RAB22A: variants seen among roughly 807,000 people sequenced by gnomAD.
The protein encoded by RAB22A is ras-related protein Rab-22A.
In RAB22A, 13 loss-of-function variants were observed where a neutral mutation model predicts 30.2. The ratio of observed to expected loss-of-function variants is 0.43; its 90% CI spans 0.28 to 0.68. RAB22A has a LOEUF of 0.68. Ranked by LOEUF, RAB22A falls within the 30% of genes least tolerant of loss-of-function variation. RAB22A has a pLI of 0.18. For missense variants in RAB22A, 177 were observed against 246.8 expected, an observed-to-expected ratio of 0.72 and a Z score of 1.89; for synonymous variants, 89 against 87.2, an observed-to-expected ratio of 1.02 and a Z score of -0.11.
intron 2 of RAB22A, 51 bp downstream of exon 2, chr20:58,311,173 C>A: frequency 6.8e-7 from 1 of 1,470,862 alleles, no homozygotes. Context: ...AAAATCCTTC[C>A]AAATACATAG....
intron 2 of RAB22A, among the ~76,000 whole-genome samples, chr20:58,316,543 G>A (rs1045189592): frequency 1.4e-4 from 21 of 152,130 alleles, no homozygotes; most frequent in African/African-American, 5.1e-4. Flanking sequence ...TGTAAGAAGA[G>A]GAGGCCCCCA....
intron 2 of RAB22A, among the ~76,000 whole-genome samples, chr20:58,337,740 G>T (rs1986783270): frequency 6.6e-6 from 1 of 152,128 alleles, no homozygotes; most frequent in African/African-American, 2.4e-5. Context: ...CAGACTTGAG[G>T]TTCGACTGCC....
intron 3 of RAB22A, among the ~76,000 whole-genome samples, chr20:58,350,286 G>C (rs912743389): frequency 3.9e-5 from 6 of 152,198 alleles, no homozygotes; most frequent in African/African-American, 1.2e-4. Flanking sequence ...AATATGGACA[G>C]AGTCTCAGTA....
chr20:58,320,501 A>G (rs1334671653), intron 2 of RAB22A, among the ~76,000 whole-genome samples: 1 of 152,174 alleles, frequency 6.6e-6, no homozygotes, highest in Non-Finnish European at 1.5e-5. Context: ...TGAACTGTCC[A>G]GCTATAAGTT....
At chr20:58,321,812 A>G (rs1057252184) in intron 2 of RAB22A, among the ~76,000 whole-genome samples, 1 of 152,208 alleles carries the variant, frequency 6.6e-6, no homozygotes, top group Non-Finnish European at 1.5e-5. Context: ...TTATATATAC[A>G]TAAACAGAAA....
chr20:58,321,591 C>T (rs1359503259), intron 2 of RAB22A, among the ~76,000 whole-genome samples: 1 of 152,020 alleles, frequency 6.6e-6, no homozygotes, highest in African/African-American at 2.4e-5. Context: ...TAACTTTTTT[C>T]TCTTATTTTG....
chr20:58,342,975 C>T (rs1865797246), intron 2 of RAB22A, among the ~76,000 whole-genome samples: 1 of 152,164 alleles, frequency 6.6e-6, no homozygotes, highest in Non-Finnish European at 1.5e-5. Context: ...AAATGTAGAA[C>T]CCCCAAAATA....
chr20:58,347,849 A>G (rs948746339), intron 3 of RAB22A, among the ~76,000 whole-genome samples: 3 of 152,190 alleles, frequency 2.0e-5, no homozygotes, highest in Non-Finnish European at 1.5e-5. Flanking sequence ...CAGACACAAC[A>G]CATATATTAA....
At chr20:58,343,613 G>C (rs1392729719) in intron 2 of RAB22A, 105 bp from the exon 3 acceptor site, 1 of 803,462 alleles carries the variant, frequency 1.2e-6, no homozygotes, top group East Asian at 2.6e-5. Flanking sequence ...ATACAGCGTG[G>C]TGCTGGGAGA....
At position 58,362,838 on chromosome 20, in the gene RAB22A, G is replaced by A. The variant is rs1001706091; in HGVS notation, c.*3135G>A. On this transcript the variant is annotated 3_prime_UTR_variant, in exon 7 of 7. Coordinates refer to ENST00000244040, the MANE Select transcript of RAB22A (RefSeq NM_020673.3). ...GTTTCCCATTGTGTACGCACTTTCT[G>A]GATGTCTGGAAGGATCGGGACTTTT... 6.6e-6 allele frequency: 1 copy of A among 152,218 alleles called. No individual in the cohort carries two copies. 9.4% of individuals were successfully genotyped at this position (152,218 alleles called of 1,614,324 possible).
At position 58,316,076 on chromosome 20, in the gene RAB22A, T is replaced by C. The variant is rs189692461; in HGVS notation, c.116+4954T>C. On this transcript the variant is annotated intron_variant, in intron 2 of 6. Transcript: ENST00000244040. ...CATGCTATTCTCTCTCAGGGCCCTT[T>C]CTTTTCCTTGTCTCCTTGGCAAATT... Among the ~76,000 whole-genome samples, 25 of 152,282 alleles carry C rather than the reference T, an allele frequency of 1.6e-4. No homozygotes were observed. In the East Asian group the frequency reaches 1.7e-3, roughly 11 times the overall value.
chr20:58,351,688 C>T (rs973373703), intron 3 of RAB22A, among the ~76,000 whole-genome samples: 3 of 152,178 alleles, frequency 2.0e-5, no homozygotes, highest in Non-Finnish European at 4.4e-5. Flanking sequence ...TAGCGCATGC[C>T]TGTAATCCCA....
intron 5 of RAB22A, among the ~76,000 whole-genome samples, chr20:58,353,850 G>A (rs1987092301): frequency 6.6e-6 from 1 of 152,176 alleles, no homozygotes. Context: ...CACATTTATT[G>A]GCAGTTTCCC....
intron 2 of RAB22A, among the ~76,000 whole-genome samples, chr20:58,312,682 G>A (rs142007785): frequency 0.014 from 2,171 of 151,322 alleles, 23 homozygotes; most frequent in Non-Finnish European, 0.02. Flanking sequence ...TAGTAGAGAC[G>A]GGGTTTCATG....
intron 2 of RAB22A, among the ~76,000 whole-genome samples, chr20:58,329,717 T>A (rs1400986009): frequency 2.0e-5 from 3 of 152,242 alleles, no homozygotes; most frequent in Non-Finnish European, 4.4e-5. Flanking sequence ...GGGATTCCAA[T>A]TGTATGTATG....
chr20:58,358,078 G>A (rs1176623001), intron 6 of RAB22A, among the ~76,000 whole-genome samples: 3 of 152,154 alleles, frequency 2.0e-5, no homozygotes, highest in Non-Finnish European at 4.4e-5. Flanking sequence ...CCTGTTTCTG[G>A]TGTCCTGATT....
chr20:58,312,246 C>T (rs1986241361), intron 2 of RAB22A, among the ~76,000 whole-genome samples: 1 of 151,426 alleles, frequency 6.6e-6, no homozygotes, highest in Admixed American at 6.6e-5. Flanking sequence ...TGAGCTGCCA[C>T]ACCTCGCCTA....
intron 2 of RAB22A, among the ~76,000 whole-genome samples, chr20:58,321,147 C>T (rs1421020449): frequency 6.6e-5 from 10 of 150,532 alleles, no homozygotes; most frequent in East Asian, 2.0e-4. Context: ...CCCGAGACTG[C>T]GCCACTGCCC....
chr20:58,310,943 G>T, intron 1 of RAB22A, 100 bp from the exon 2 acceptor site: 1 of 937,642 alleles, frequency 1.1e-6, no homozygotes, highest in South Asian at 1.3e-5. Flanking sequence ...TACACGTCTA[G>T]GGTGATTTTT....
Sources: allele counts gnomAD v4.1 joint callset (sites outside exome capture counted in the v4.1 genomes callset), GRCh38; gene constraint gnomAD v4.1.1; transcripts MANE v1.5; gene names NCBI Gene and HGNC (gene_info 2026-07-23, HGNC 2026-07-21).